Variants in EPHA8 observed in about 807,000 individuals in gnomAD.
EPHA8 encodes ephrin type-A receptor 8.
EPHA8 carries 58 observed loss-of-function variants against 103.6 expected under a neutral mutation model. That is an observed-to-expected ratio of 0.56 (90% confidence interval 0.45 to 0.70). EPHA8 has a LOEUF of 0.70. Among genes scored for constraint, EPHA8 ranks in the 30% least tolerant of loss-of-function variants. EPHA8 has a pLI of 0.00. For synonymous variants in EPHA8, 559 were observed against 572.5 expected (o/e 0.98, Z 0.34); for missense variants, 1,304 against 1,395.2 (o/e 0.93, Z 1.04).
intron 13 of EPHA8, among the ~76,000 whole-genome samples, chr1:22,599,759 G>A (rs1187477329): frequency 1.5e-5 from 1 of 68,076 alleles, no homozygotes; most frequent in Admixed American, 1.5e-4. Context: ...AGGAGGGAAA[G>A]AAGGGAGAGA....
chr1:22,595,236 G>T lies in EPHA8; in HGVS notation c.1610G>T (p.Arg537Leu), dbSNP rs61751024. 9 of 1,609,668 alleles carry T rather than the reference G, an allele frequency of 5.6e-6. No homozygotes were observed. Among genetic ancestry groups the T allele is most frequent in the Non-Finnish European group, 7.6e-6 (9 of 1,176,942 alleles). The change falls in exon 8 of 17, where the codon CGC becomes CTC. Residue 537 changes from arginine to leucine, a missense_variant. Physicochemically the swap from Arg to Leu is moderately radical, Grantham distance 102. Coordinates refer to ENST00000166244, the MANE Select transcript of EPHA8 (RefSeq NM_020526.5). ...MEVETGKPRP[R>L]YDTRTIVWIC... ...CCCTGGCTTTCCCCTGCAGGGCCCC[G>T]CTATGACACCAGGACCATTGTCTGG...
At chr1:22,583,138 C>T (rs1242260769) in intron 3 of EPHA8, among the ~76,000 whole-genome samples, 1 of 152,342 alleles carries the variant, frequency 6.6e-6, no homozygotes, top group East Asian at 1.9e-4. Context: ...AGGAGCCCCT[C>T]CTGGCTCGCG....
At position 22,593,330 on chromosome 1, in the gene EPHA8, G is replaced by T. The variant is rs747810736; in HGVS notation, c.1320G>T (p.Pro440=). The change falls in exon 6 of 17, where the codon CCG becomes CCT. Residue 440 remains proline, a synonymous_variant. Transcript: ENST00000166244. ...TGACGGGATTGGCCGCCCCAGCCCCGTCCCAGGTGGTGGTGATCCGTCAAG... is the reference window on the plus strand; with the variant it reads ...TGACGGGATTGGCCGCCCCAGCCCCTTCCCAGGTGGTGGTGATCCGTCAAG... ...VVNITTNQAA[P]SQVVVIRQER... 1 of 1,567,070 alleles carries T rather than the reference G, an allele frequency of 6.4e-7. No homozygotes were observed. Among genetic ancestry groups the T allele is most frequent in the East Asian group, 2.3e-5 (1 of 42,914 alleles).
intron 16 of EPHA8, 46 bp downstream of exon 16, chr1:22,601,519 G>T (rs751915867): frequency 4.6e-5 from 74 of 1,605,270 alleles, no homozygotes; most frequent in Middle Eastern, 1.7e-4. Flanking sequence ...GGGGGCAGGG[G>T]GGGGGACCCC....
At chr1:22,570,780 C>T (rs1445910633) in intron 2 of EPHA8, among the ~76,000 whole-genome samples, 2 of 152,254 alleles carry the variant, frequency 1.3e-5, no homozygotes, top group African/African-American at 4.8e-5. Context: ...CGTCACCTGA[C>T]CCAGCACCAC....
In EPHA8 at chr1:22,602,151, G is replaced by A. The variant is rs114592803; in HGVS notation, c.*410G>A. 4.8e-3 allele frequency: 1,273 copies of A among 266,762 alleles called. 16 individuals carry two copies. Among genetic ancestry groups the A allele is most frequent in the African/African-American group, 0.027 (1,155 of 43,152 alleles). 16.5% of individuals were successfully genotyped at this position (266,762 alleles called of 1,614,324 possible). The stretch of plus-strand genomic sequence containing the variant: ...CACCCCTTCGGGTCTCAGCATGGAC[G>A]TGTGCATGTTATGAGCGTGTGCTTA... On this transcript the variant is annotated 3_prime_UTR_variant, in exon 17 of 17. Transcript: ENST00000166244.
rs1370043367 is a variant in EPHA8, at chr1:22,563,855, G to C, written c.94+126G>C. 1 of 152,752 alleles carries C rather than the reference G, an allele frequency of 6.5e-6. No individual in the cohort carries two copies. The highest frequency in any genetic ancestry group is 1.5e-5 in the Non-Finnish European group (1 of 68,016). The allele number at this position is 152,752 out of a possible 1,614,324, so 9.5% of individuals were successfully genotyped here. On this transcript the variant is annotated intron_variant, in intron 1 of 16. Transcript: ENST00000166244. This position sits in a 1 kb window ranked among gnomAD's most constrained non-coding sequence, Gnocchi z 4.4. ...AAGGCGGCCGGGATCCCTCGGCCCG[G>C]GGGGCGGGGTGGCACCGCGGAAGAG...
rs71913612 is a variant in EPHA8, at chr1:22,577,902, T to TGTGTATGTGTGCGTGA, written c.823+1052_823+1067dup. Reference sequence around the variant, plus strand: ...CTGTGTTCATGAGTGTGTGCATGTGTGTGTATGTGTGCGTGAGTGTATGTG... The same window carrying TGTGTATGTGTGCGTGA: ...CTGTGTTCATGAGTGTGTGCATGTGTGTGTATGTGTGCGTGAGTGTATGTGTGCGTGAGTGTATGTG... On this transcript the variant is annotated intron_variant, in intron 3 of 16. Transcript: ENST00000166244. Among the ~76,000 whole-genome samples the TGTGTATGTGTGCGTGA allele has an allele frequency of 1.1e-3, 98 of 89,326 alleles. 4 individuals carry two copies. The highest frequency in any genetic ancestry group is 3.7e-3 in the African/African-American group (82 of 22,360). The allele number at this position is 89,326 out of a possible 152,430, so 58.6% of individuals were successfully genotyped here. A position where few individuals can be genotyped will look rare whatever the true frequency, so the allele number is the denominator to read the frequency against.
chr1:22,577,885 ATGAG>A (rs945206783), intron 3 of EPHA8, among the ~76,000 whole-genome samples: 4 of 77,202 alleles, frequency 5.2e-5, no homozygotes, highest in East Asian at 4.6e-4. Flanking sequence ...GCCTGTGTTC[ATGAG>A]TGTGTGCATG....
At position 22,576,506 on chromosome 1, in the gene EPHA8, CCGA is replaced by C; in HGVS notation, c.453_455del (p.Asp151del). ...TTCCTCAAAATCGACACCATTGCGG[CCGA>C]CGAGAGCTTCACAGGTGCCGACCTT... On this transcript the variant is annotated inframe_deletion, in exon 3 of 17. Transcript: ENST00000166244. This position sits in a 1 kb window ranked among gnomAD's most constrained non-coding sequence, Gnocchi z 4.8. The C allele has an allele frequency of 1.2e-6, 2 of 1,614,172 alleles. No individual in the cohort carries two copies. The highest frequency in any genetic ancestry group is 8.5e-7 in the Non-Finnish European group (1 of 1,180,042).
At chr1:22,593,837 T>C in intron 7 of EPHA8, 151 bp downstream of exon 7, 1 of 1,012,530 alleles carries the variant, frequency 9.9e-7, no homozygotes, top group Non-Finnish European at 1.4e-6. Flanking sequence ...GTTGTCGGAG[T>C]TTTTTATTTA....
intron 5 of EPHA8, among the ~76,000 whole-genome samples, chr1:22,592,659 C>T (rs529989033): frequency 1.3e-5 from 2 of 152,230 alleles, no homozygotes; most frequent in African/African-American, 2.4e-5. Flanking sequence ...AGTCAGAACT[C>T]GGGGTGAGCA....
rs144389392 is a variant in EPHA8, at chr1:22,570,677, C to T, written c.159+1324C>T. Reference sequence around the variant, plus strand: ...GGTCACCAGGCAGCGGTGAGCTGAGCCTGTTATCAGCCCTCATGCACCGGG... The same window carrying T: ...GGTCACCAGGCAGCGGTGAGCTGAGTCTGTTATCAGCCCTCATGCACCGGG... On this transcript the variant is annotated intron_variant, in intron 2 of 16. Transcript: ENST00000166244. 3.9e-5 allele frequency among the ~76,000 whole-genome samples: 6 copies of T among 152,344 alleles called. No individual in the cohort carries two copies. In the East Asian group the frequency reaches 1.2e-3, roughly 29 times the overall value.
Position 22,589,277 on chromosome 1 carries a change from T to C in EPHA8, c.1315+71T>C. The C allele has an allele frequency of 6.2e-7, 1 of 1,613,904 alleles. No individual in the cohort carries two copies. On this transcript the variant is annotated intron_variant, in intron 5 of 16. Coordinates refer to ENST00000166244, the MANE Select transcript of EPHA8 (RefSeq NM_020526.5). This position sits in a 1 kb window ranked among gnomAD's most constrained non-coding sequence, Gnocchi z 4.3. ...CCCCTGCCTCAGACCCATCCAGGGATCAGAGCTCTGCCGGGGACGTGCTGT... is the reference window on the plus strand; with the variant it reads ...CCCCTGCCTCAGACCCATCCAGGGACCAGAGCTCTGCCGGGGACGTGCTGT...
chr1:22,575,459 T>C (rs1640659068), intron 2 of EPHA8, among the ~76,000 whole-genome samples: 1 of 152,198 alleles, frequency 6.6e-6, no homozygotes, highest in South Asian at 2.1e-4. Context: ...TGTTGTCGAG[T>C]TGTGGGAATT....
chr1:22,574,570 T>C (rs895733120), intron 2 of EPHA8, among the ~76,000 whole-genome samples: 1 of 152,258 alleles, frequency 6.6e-6, no homozygotes, highest in African/African-American at 2.4e-5. Flanking sequence ...TAACTATTTG[T>C]TTTTTGTTTC....
chr1:22,586,780 T>TGA lies in EPHA8; in HGVS notation c.979+146_979+147insAG, dbSNP rs1553147219. ...TCTTGAGCCAGAGGCCAGTCTGAGGTGGGGGGGGTGACTCTGATCCCTCCA... is the reference window on the plus strand; with the variant it reads ...TCTTGAGCCAGAGGCCAGTCTGAGGTGAGGGGGGGGTGACTCTGATCCCTCCA... On this transcript the variant is annotated intron_variant, in intron 4 of 16. Transcript: ENST00000166244. 1.4e-4 allele frequency: 130 copies of TGA among 924,446 alleles called. No individual in the cohort carries two copies. In the African/African-American group the frequency reaches 2.1e-3, roughly 15 times the overall value. 57.3% of individuals were successfully genotyped at this position (924,446 alleles called of 1,614,324 possible).
intron 3 of EPHA8, among the ~76,000 whole-genome samples, chr1:22,579,628 C>T (rs1229773058): frequency 1.3e-5 from 2 of 152,150 alleles, no homozygotes; most frequent in Admixed American, 1.3e-4. Context: ...GGCTTCTCTC[C>T]GTCGTTTTCT....
rs757780363 is a variant in EPHA8 at position 22,601,471 on chromosome 1, C to A, written c.2901C>A (p.Ala967=). 3.1e-6 allele frequency: 5 copies of A among 1,609,730 alleles called. 1 individual carries two copies. In the South Asian group the frequency reaches 5.5e-5, roughly 18 times the overall value. Residue 967 remains alanine, a splice_region_variant and synonymous_variant, in exon 16 of 17, where the codon GCC becomes GCA. Coordinates refer to ENST00000166244, the MANE Select transcript of EPHA8 (RefSeq NM_020526.5). ...TGGGCATGGTGCTACGCATGAACGC[C>A]CAGTGAGTGATGGGTGGGGCTGGGG... ...SSLGMVLRMN[A]QDVRALGITL... is the part of the protein sequence containing the mutation.
Sources: allele counts gnomAD v4.1 joint callset (sites outside exome capture counted in the v4.1 genomes callset), GRCh38; gene constraint gnomAD v4.1.1; non-coding constraint Gnocchi (gnomAD v3.1); transcripts MANE v1.5; gene names NCBI Gene and HGNC (gene_info 2026-07-23, HGNC 2026-07-21).